Variants in BLTP3B observed in about 807,000 individuals in gnomAD.
BLTP3B encodes the protein UHRF1 (ICBP90) binding protein 1-like.
chr12:100,120,793 AAG>A, the BLTP3B span, among the ~76,000 whole-genome samples: 103 of 148,910 alleles, frequency 6.9e-4, no homozygotes, highest in Admixed American at 1.0e-3. Context: ...ACAATTATGT[AAG>A]AGAGAGAGAG....
the BLTP3B span, among the ~76,000 whole-genome samples, chr12:100,079,248 G>T: frequency 1.3e-5 from 2 of 152,252 alleles, no homozygotes; most frequent in East Asian, 3.9e-4. Context: ...AGTTTGGAGG[G>T]GTCAGAAGAT....
At chr12:100,072,792 G>C in the BLTP3B span, 1 of 1,598,868 alleles carries the variant, frequency 6.3e-7, no homozygotes, top group Non-Finnish European at 8.5e-7. Context: ...GGGGAAGAAC[G>C]ACATTGTTCC....
chr12:100,127,934 G>A, the BLTP3B span, among the ~76,000 whole-genome samples: 335 of 152,186 alleles, frequency 2.2e-3, 2 homozygotes, highest in African/African-American at 7.6e-3. Context: ...GATAACTGGG[G>A]ACCAGGAGTT....
At chr12:100,142,849 T>C in the BLTP3B span, 36 of 538,006 alleles carry the variant, frequency 6.7e-5, no homozygotes, top group Non-Finnish European at 1.2e-5. Context: ...GGCGCCATCT[T>C]GGCTGCAGCA....
chr12:100,086,351 G>A, the BLTP3B span: 3 of 547,538 alleles, frequency 5.5e-6, no homozygotes, highest in Non-Finnish European at 9.3e-6. Flanking sequence ...TAATACGTCT[G>A]TTTGACTCTG....
the BLTP3B span, chr12:100,039,720 C>T: frequency 8.7e-6 from 14 of 1,614,014 alleles, no homozygotes; most frequent in Non-Finnish European, 1.2e-5. Flanking sequence ...ATACTTTCCA[C>T]TGGTCAGCAG....
chr12:100,102,122 T>C, the BLTP3B span, among the ~76,000 whole-genome samples: 4 of 148,932 alleles, frequency 2.7e-5, no homozygotes, highest in Non-Finnish European at 6.0e-5. Flanking sequence ...TTTTTTTTTT[T>C]TTTTTGAGAC....
chr12:100,073,789 C>T, the BLTP3B span, among the ~76,000 whole-genome samples: 4 of 152,188 alleles, frequency 2.6e-5, no homozygotes, highest in East Asian at 7.7e-4. Context: ...TCTCAATAGG[C>T]AAAGAAAATG....
At chr12:100,126,749 A>G in the BLTP3B span, among the ~76,000 whole-genome samples, 2 of 152,198 alleles carry the variant, frequency 1.3e-5, no homozygotes, top group Non-Finnish European at 2.9e-5. Flanking sequence ...CCCAAAGGAG[A>G]TGAAAATACT....
the BLTP3B span, among the ~76,000 whole-genome samples, chr12:100,044,074 T>C: frequency 6.6e-6 from 1 of 152,186 alleles, no homozygotes; most frequent in Non-Finnish European, 1.5e-5. Flanking sequence ...CATTCTTTTC[T>C]GTTTGTTTGT....
chr12:100,088,429 A>T, the BLTP3B span, among the ~76,000 whole-genome samples: 1 of 152,176 alleles, frequency 6.6e-6, no homozygotes. Context: ...TTCCTAATCA[A>T]ATTTTGGAAG....
chr12:100,044,548 G>A, the BLTP3B span, among the ~76,000 whole-genome samples: 5 of 152,072 alleles, frequency 3.3e-5, no homozygotes, highest in African/African-American at 4.8e-5. Flanking sequence ...TTACATTAGC[G>A]ACCTTAAAAC....
chr12:100,040,304 G>A, the BLTP3B span, among the ~76,000 whole-genome samples: 1 of 152,158 alleles, frequency 6.6e-6, no homozygotes, highest in Non-Finnish European at 1.5e-5. Flanking sequence ...GCCTAGCTGG[G>A]AGAACTGCTT....
the BLTP3B span, among the ~76,000 whole-genome samples, chr12:100,136,210 C>CA: frequency 0.02 from 2,107 of 106,144 alleles, 20 homozygotes; most frequent in Middle Eastern, 0.083. Context: ...GACTCTGTCT[C>CA]AAAAAAAAAA....
the BLTP3B span, among the ~76,000 whole-genome samples, chr12:100,070,825 C>T: frequency 1.3e-5 from 2 of 151,800 alleles, no homozygotes; most frequent in African/African-American, 2.4e-5. Flanking sequence ...GAAAAGAAAC[C>T]TCACCTCTAC....
the BLTP3B span, among the ~76,000 whole-genome samples, chr12:100,078,365 C>T: frequency 6.6e-6 from 1 of 152,210 alleles, no homozygotes; most frequent in African/African-American, 2.4e-5. Flanking sequence ...CATCATGCTT[C>T]CAATATAGCC....
At chr12:100,058,753 T>G in the BLTP3B span, 2 of 1,613,834 alleles carry the variant, frequency 1.2e-6, no homozygotes, top group Admixed American at 1.7e-5. Flanking sequence ...ACATCTTTCC[T>G]TAAGTTCTCT....
the BLTP3B span, among the ~76,000 whole-genome samples, chr12:100,131,777 AG>A: frequency 2.7e-3 from 417 of 152,264 alleles, 1 homozygote; most frequent in African/African-American, 9.6e-3. Context: ...ACTAAACTCC[AG>A]CCACTAATAC....
chr12:100,070,230 G>A, the BLTP3B span: 1 of 1,525,974 alleles, frequency 6.6e-7, no homozygotes. Context: ...AACCACAAAA[G>A]ATTGTTGAAA....
Sources: allele counts gnomAD v4.1 joint callset (sites outside exome capture counted in the v4.1 genomes callset), GRCh38; gene constraint gnomAD v4.1.1; transcripts MANE v1.5; gene names NCBI Gene and HGNC (gene_info 2026-07-23, HGNC 2026-07-21).